Variants in DNAH7 observed in about 807,000 individuals in gnomAD.
The protein encoded by DNAH7 is axonemal beta dynein heavy chain 7.
DNAH7 carries 397 observed loss-of-function variants against 444.6 expected under a neutral mutation model. The ratio of observed to expected loss-of-function variants is 0.89; its 90% CI spans 0.82 to 0.97. The LOEUF (loss-of-function observed/expected upper bound fraction) is 0.97, where lower values mean the gene tolerates loss of function less well. Ranked by LOEUF, DNAH7 falls within the 50% of genes least tolerant of loss-of-function variation. The pLI, the probability that DNAH7 is intolerant of heterozygous loss-of-function variation, is 0.00. For synonymous variants in DNAH7, 1,636 were observed against 1,624.4 expected, an observed-to-expected ratio of 1.01 and a Z score of -0.17; for missense variants, 4,902 against 4,800.8, an observed-to-expected ratio of 1.02 and a Z score of -0.62.
At chr2:196,045,743 C>A (rs1697080099) in intron 5 of DNAH7, among the ~76,000 whole-genome samples, 1 of 151,256 alleles carries the variant, frequency 6.6e-6, no homozygotes, top group South Asian at 2.1e-4. Flanking sequence ...GTTAGGGTAA[C>A]CATTAAAAGA....
chr2:195,771,794 C>T lies in DNAH7; in HGVS notation c.11299G>A (p.Glu3767Lys), dbSNP rs770923070. 77 of 1,614,118 alleles carry T rather than the reference C, an allele frequency of 4.8e-5. No individual in the cohort carries two copies. The East Asian group carries it at 5.3e-4, about 11-fold the overall frequency. Residue 3767 changes from glutamate (E) to lysine (K), a missense_variant, in exon 61 of 65, where the codon GAG becomes AAG. Transcript: ENST00000312428. ...GTTGGGTACCTCCTCATGGCAGCCT[C>T]GATGTCGAAGTTGTTTGGAAGTTTG... ...LGKLPNNFDI[E>K]AAMRRYPTTY...
chr2:195,897,584 T>C (rs902000680), intron 29 of DNAH7, 83 bp downstream of exon 29: 16 of 728,656 alleles, frequency 2.2e-5, no homozygotes, highest in Non-Finnish European at 2.8e-5. Context: ...TTGTTTTCCA[T>C]AGTGGGAGCT....
chr2:195,910,702 G>A lies in DNAH7; in HGVS notation c.3936-507C>T, dbSNP rs140762916. Among the ~76,000 whole-genome samples the A allele has an allele frequency of 1.5e-3, 234 of 152,282 alleles. 1 individual carries two copies. Among genetic ancestry groups the A allele is most frequent in the African/African-American group, 5.3e-3 (221 of 41,554 alleles). On this transcript the variant is annotated intron_variant, in intron 24 of 64. Coordinates refer to ENST00000312428, the MANE Select transcript of DNAH7 (RefSeq NM_018897.3). ...ACAGAAAATAAACCCTCAGAAGTGA[G>A]CAATGTGGGGAGCTGGAATGGATCC...
chr2:195,864,089 CATG>C, intron 41 of DNAH7, 57 bp downstream of exon 41: 2 of 1,544,370 alleles, frequency 1.3e-6, no homozygotes, highest in South Asian at 2.4e-5. Flanking sequence ...TAAAATAAGT[CATG>C]ATGATAGTGG....
chr2:195,794,422 T>C lies in DNAH7; in HGVS notation c.10632A>G (p.Pro3544=). The C allele has an allele frequency of 1.2e-6, 2 of 1,614,164 alleles. No homozygotes were observed. Among genetic ancestry groups the C allele is most frequent in the South Asian group, 2.2e-5 (2 of 91,076 alleles). The change falls in exon 57 of 65, where the codon CCA becomes CCG. Residue 3544 remains proline, a synonymous_variant. Coordinates refer to ENST00000312428, the MANE Select transcript of DNAH7 (RefSeq NM_018897.3). ...GAATGATATTAGCCCGTAAACCTTTTGGTGCTTCATTGGTCATTTTCACTC... is the reference window on the plus strand; with the variant it reads ...GAATGATATTAGCCCGTAAACCTTTCGGTGCTTCATTGGTCATTTTCACTC... ...QNGVKMTNEA[P]KGLRANIIRS...
chr2:196,005,442 T>G (rs1420572181), intron 10 of DNAH7, among the ~76,000 whole-genome samples: 2 of 151,088 alleles, frequency 1.3e-5, no homozygotes, highest in African/African-American at 2.4e-5. Flanking sequence ...TTTAAACAGA[T>G]CAACAAAACT....
At chr2:195,744,689 C>T (rs1204867902) in intron 63 of DNAH7, among the ~76,000 whole-genome samples, 6 of 152,172 alleles carry the variant, frequency 3.9e-5, no homozygotes, top group African/African-American at 7.2e-5. Flanking sequence ...GCAGCATTCA[C>T]GGTTCACGAA....
intron 6 of DNAH7, among the ~76,000 whole-genome samples, chr2:196,027,225 G>C (rs1031458740): frequency 2.0e-5 from 3 of 151,888 alleles, no homozygotes; most frequent in African/African-American, 4.8e-5. Flanking sequence ...TGCTGAATTA[G>C]TGTTTTGTTA....
At chr2:195,983,080 C>G (rs1318959038) in intron 15 of DNAH7, among the ~76,000 whole-genome samples, 1 of 152,020 alleles carries the variant, frequency 6.6e-6, no homozygotes, top group Non-Finnish European at 1.5e-5. Flanking sequence ...ATCAAAATAT[C>G]TCATATTCCC....
rs370475095 is a variant in DNAH7 at position 195,842,157 on chromosome 2, T to C, written c.8945+2845A>G. Reference sequence around the variant, plus strand: ...ATATCAGATACAGGTCTGATCTACTTACCAAGCTGTTAAATAATCCTAATC... The same window carrying C: ...ATATCAGATACAGGTCTGATCTACTCACCAAGCTGTTAAATAATCCTAATC... On this transcript the variant is annotated intron_variant, in intron 47 of 64. Transcript: ENST00000312428. Among the ~76,000 whole-genome samples, 98 of 152,190 alleles carry C rather than the reference T, an allele frequency of 6.4e-4. 1 individual carries two copies. The South Asian group carries it at 0.02, about 31-fold the overall frequency.
rs1700767633 is a variant in DNAH7, at chr2:195,872,392, A to G, written c.6491T>C (p.Met2164Thr). ...NGTMTLYKEA[M>T]KNLLPTPAKS... Reference sequence around the variant, plus strand: ...AGCTGGAGTAGGCAAGAGATTCTTCATTGCTTCTTTATACAGAGTCATTGT... The same window carrying G: ...AGCTGGAGTAGGCAAGAGATTCTTCGTTGCTTCTTTATACAGAGTCATTGT... Residue 2164 changes from methionine (M) to threonine (T), a missense_variant, in exon 40 of 65, where the codon ATG (methionine) becomes ACG (threonine). Physicochemically the swap from Met to Thr is moderately conservative, Grantham distance 81. Coordinates refer to ENST00000312428, the MANE Select transcript of DNAH7 (RefSeq NM_018897.3). 2 of 1,613,914 alleles carry G rather than the reference A, an allele frequency of 1.2e-6. No individual in the cohort carries two copies. The highest frequency in any genetic ancestry group is 1.7e-6 in the Non-Finnish European group (2 of 1,179,866).
chr2:195,782,303 C>G (rs1337128882), intron 58 of DNAH7, among the ~76,000 whole-genome samples: 1 of 152,132 alleles, frequency 6.6e-6, no homozygotes, highest in Non-Finnish European at 1.5e-5. Flanking sequence ...CAAAGAATCC[C>G]TCTTTAACTC....
rs775574754 is a variant in DNAH7 at position 195,771,801 on chromosome 2, G to A, written c.11292C>T (p.Phe3764=). The A allele has an allele frequency of 5.0e-6, 8 of 1,614,094 alleles. No individual in the cohort carries two copies. Among genetic ancestry groups the A allele is most frequent in the Non-Finnish European group, 6.8e-6 (8 of 1,180,020 alleles). Reference sequence around the variant, plus strand: ...ACCTCCTCATGGCAGCCTCGATGTCGAAGTTGTTTGGAAGTTTGCCCAAGA... The same window carrying A: ...ACCTCCTCATGGCAGCCTCGATGTCAAAGTTGTTTGGAAGTTTGCCCAAGA... ...SDILGKLPNN[F]DIEAAMRRYP... Residue 3764 remains phenylalanine, a synonymous_variant, in exon 61 of 65, where the codon TTC becomes TTT. Transcript: ENST00000312428.
At chr2:195,836,936 T>G (rs1469950558) in intron 47 of DNAH7, among the ~76,000 whole-genome samples, 1 of 152,198 alleles carries the variant, frequency 6.6e-6, no homozygotes. Context: ...CCTACTCATG[T>G]TTGAACATCA....
chr2:195,976,307 T>TGTG (rs1041121389), intron 15 of DNAH7, among the ~76,000 whole-genome samples: 4 of 152,084 alleles, frequency 2.6e-5, no homozygotes, highest in Non-Finnish European at 5.9e-5. Context: ...CCCAAGGACC[T>TGTG]GTGGTGGTGG....
chr2:195,768,651 G>A (rs1694699326), intron 61 of DNAH7, among the ~76,000 whole-genome samples: 1 of 152,076 alleles, frequency 6.6e-6, no homozygotes, highest in Non-Finnish European at 1.5e-5. Context: ...TAACACATAT[G>A]AGAATGCCTG....
chr2:196,037,077 C>G (rs1696440570), intron 5 of DNAH7, among the ~76,000 whole-genome samples: 3 of 152,278 alleles, frequency 2.0e-5, no homozygotes, highest in African/African-American at 7.2e-5. Flanking sequence ...TTAGCAAAGC[C>G]TCATCACAGC....
chr2:195,742,042 A>C (rs1192249483), intron 63 of DNAH7, among the ~76,000 whole-genome samples: 1 of 152,224 alleles, frequency 6.6e-6, no homozygotes, highest in East Asian at 1.9e-4. Flanking sequence ...ATACGTCGGA[A>C]TATAGTATCA....
In DNAH7 at chr2:196,041,625, A is replaced by G. The variant is rs368212396; in HGVS notation, c.398+5727T>C. ...AAGTACTAGAAGAAAACATTGGAAA[A>G]ATGCTTCAGGAGATTGGTCTGGGCA... On this transcript the variant is annotated intron_variant, in intron 5 of 64. Transcript: ENST00000312428. Among the ~76,000 whole-genome samples, 13 of 152,170 alleles carry G rather than the reference A, an allele frequency of 8.5e-5. 1 individual carries two copies. The East Asian group carries it at 1.3e-3, about 16-fold the overall frequency.
Sources: gnomAD v4.1 joint callset for allele counts (sites outside exome capture counted in the v4.1 genomes callset) on GRCh38, gnomAD v4.1.1 for gene constraint, MANE v1.5 for transcripts, NCBI Gene and HGNC (gene_info 2026-07-23, HGNC 2026-07-21) for gene names.